The following KCND2 variants were observed in gnomAD, a reference collection of about 807,000 sequenced individuals.
The protein encoded by KCND2 is potassium voltage-gated channel subfamily D member 2.
A neutral mutation model predicts 54.4 loss-of-function variants in KCND2; 16 were observed. The observed-to-expected ratio is 0.29, with a 90% CI of 0.20 to 0.45. The LOEUF (loss-of-function observed/expected upper bound fraction) is 0.45. KCND2 is among the 20% of genes least tolerant of loss of function. KCND2 has a pLI of 1.00. For synonymous variants in KCND2, 317 were observed against 310.7 expected, an observed-to-expected ratio of 1.02 and a Z score of -0.21; for missense variants, 486 against 824.2, an observed-to-expected ratio of 0.59 and a Z score of 5.02.
intron 1 of KCND2, among the ~76,000 whole-genome samples, chr7:120,626,542 C>G (rs1793165498): frequency 6.6e-6 from 1 of 152,068 alleles, no homozygotes; most frequent in Non-Finnish European, 1.5e-5. Context: ...CATAGTCAAT[C>G]AACACTATTT....
Position 120,352,515 on chromosome 7 carries a change from G to A in KCND2, c.1115+76768G>A, listed in dbSNP as rs78581276. Among the ~76,000 whole-genome samples, 967 of 146,884 alleles carry A rather than the reference G, an allele frequency of 6.6e-3. 17 individuals are homozygous for A. Among genetic ancestry groups the A allele is most frequent in the African/African-American group, 0.023 (905 of 39,496 alleles). On this transcript the variant is annotated intron_variant, in intron 1 of 5. Transcript: ENST00000331113. ...ACACACACAACATTCATGAAACATT[G>A]CATATATTTTCATGAATTTTATAGA...
At chr7:120,736,351 C>T (rs1419738045) in intron 2 of KCND2, among the ~76,000 whole-genome samples, 1 of 151,776 alleles carries the variant, frequency 6.6e-6, no homozygotes, top group Non-Finnish European at 1.5e-5. Context: ...TAACTAAATA[C>T]TGACATGCTG....
chr7:120,331,499 A>G (rs1018070528), intron 1 of KCND2, among the ~76,000 whole-genome samples: 2 of 152,020 alleles, frequency 1.3e-5, no homozygotes, highest in South Asian at 2.1e-4. Context: ...AAAAGGAAAA[A>G]AGACAAAGAG....
intron 1 of KCND2, among the ~76,000 whole-genome samples, chr7:120,659,095 C>T (rs1315516682): frequency 1.3e-5 from 2 of 152,042 alleles, no homozygotes; most frequent in African/African-American, 4.8e-5. Flanking sequence ...GTCCTGGGTG[C>T]CTAAAATTCA....
In KCND2 at chr7:120,549,784, T is replaced by G. The variant is rs572024107; in HGVS notation, c.1116-183119T>G. ...AGATCCCATTAGCATTAATGGGAGT[T>G]GCCTGAACAAGTGCTCCATGAAGTA... On this transcript the variant is annotated intron_variant, in intron 1 of 5. Coordinates refer to ENST00000331113, the MANE Select transcript of KCND2 (RefSeq NM_012281.3). Among the ~76,000 whole-genome samples the G allele has an allele frequency of 6.3e-4, 96 of 152,274 alleles. 3 individuals carry two copies. The South Asian group carries it at 0.019, about 30-fold the overall frequency.
intron 1 of KCND2, among the ~76,000 whole-genome samples, chr7:120,711,049 G>T (rs1792530901): frequency 1.3e-5 from 2 of 151,752 alleles, no homozygotes; most frequent in African/African-American, 4.8e-5. Flanking sequence ...AAATATACAA[G>T]TGTATTTTCT....
intron 1 of KCND2, among the ~76,000 whole-genome samples, chr7:120,415,368 A>G (rs941897232): frequency 6.6e-6 from 1 of 152,094 alleles, no homozygotes; most frequent in Non-Finnish European, 1.5e-5. Flanking sequence ...CTTCAAAGCA[A>G]TTTTCTTAAA....
rs1029730521 is a variant in KCND2 at position 120,655,061 on chromosome 7, A to G, written c.1116-77842A>G. Among the ~76,000 whole-genome samples, 114 of 152,180 alleles carry G rather than the reference A, an allele frequency of 7.5e-4. 2 individuals are homozygous for G. The highest frequency in any genetic ancestry group is 2.6e-3 in the African/African-American group (107 of 41,570). ...AAAACACAGAATATCATCCACAACC[A>G]TATTTATAATTGTCTTGGTGGAAAG... On this transcript the variant is annotated intron_variant, in intron 1 of 5. Coordinates refer to ENST00000331113, the MANE Select transcript of KCND2 (RefSeq NM_012281.3).
chr7:120,487,737 A>T (rs1802715131), intron 1 of KCND2, among the ~76,000 whole-genome samples: 1 of 152,202 alleles, frequency 6.6e-6, no homozygotes, highest in South Asian at 2.1e-4. Flanking sequence ...CACCATCACT[A>T]TCCCTGATAC....
chr7:120,323,498 T>C (rs1016454400), intron 1 of KCND2, among the ~76,000 whole-genome samples: 1 of 150,474 alleles, frequency 6.6e-6, no homozygotes, highest in Non-Finnish European at 1.5e-5. Flanking sequence ...CCTTCCTGTG[T>C]CCATGTGATC....
intron 1 of KCND2, among the ~76,000 whole-genome samples, chr7:120,475,540 A>G (rs1023948709): frequency 2.6e-5 from 4 of 152,190 alleles, no homozygotes; most frequent in African/African-American, 9.7e-5. Flanking sequence ...TCCTGTTGGT[A>G]TAAAGCAAGG....
intron 1 of KCND2, among the ~76,000 whole-genome samples, chr7:120,462,528 C>G (rs1312053270): frequency 6.6e-6 from 1 of 151,808 alleles, no homozygotes; most frequent in African/African-American, 2.4e-5. Context: ...GGAATATTAC[C>G]ATTTCTGATA....
chr7:120,675,744 T>A (rs1163969783), intron 1 of KCND2, among the ~76,000 whole-genome samples: 1 of 152,228 alleles, frequency 6.6e-6, no homozygotes, highest in African/African-American at 2.4e-5. Flanking sequence ...CATAAAACTT[T>A]ATTATTCCTC....
At chr7:120,649,840 G>A (rs540273113) in intron 1 of KCND2, among the ~76,000 whole-genome samples, 180 of 152,278 alleles carry the variant, frequency 1.2e-3, no homozygotes, top group Non-Finnish European at 2.1e-3. Flanking sequence ...GCATTTGCTT[G>A]TCTGTAAAGG....
chr7:120,443,656 G>A (rs1320016037), intron 1 of KCND2, among the ~76,000 whole-genome samples: 1 of 151,636 alleles, frequency 6.6e-6, no homozygotes, highest in Non-Finnish European at 1.5e-5. Flanking sequence ...TACTTTCAAA[G>A]ACTTCTCATT....
chr7:120,516,632 G>A (rs537324273), intron 1 of KCND2, among the ~76,000 whole-genome samples: 32 of 151,972 alleles, frequency 2.1e-4, no homozygotes, highest in Non-Finnish European at 3.8e-4. Flanking sequence ...ATTTACTGCC[G>A]GACTCTCCAA....
chr7:120,453,319 C>T (rs896857638), intron 1 of KCND2, among the ~76,000 whole-genome samples: 1 of 152,172 alleles, frequency 6.6e-6, no homozygotes, highest in Non-Finnish European at 1.5e-5. Context: ...TTGGCAGGAG[C>T]ACACATATGG....
intron 1 of KCND2, among the ~76,000 whole-genome samples, chr7:120,583,963 C>A (rs1792554559): frequency 6.6e-6 from 1 of 152,210 alleles, no homozygotes; most frequent in Non-Finnish European, 1.5e-5. Context: ...GTGTCAACCA[C>A]AGGACATCAG....
At chr7:120,301,689 G>A (rs1263457796) in intron 1 of KCND2, among the ~76,000 whole-genome samples, 1 of 152,036 alleles carries the variant, frequency 6.6e-6, no homozygotes, top group Non-Finnish European at 1.5e-5. Context: ...TTATTTCAAT[G>A]ATATTTGAAC....
Sources: allele counts gnomAD v4.1 joint callset (sites outside exome capture counted in the v4.1 genomes callset), GRCh38; gene constraint gnomAD v4.1.1; transcripts MANE v1.5; gene names NCBI Gene and HGNC (gene_info 2026-07-23, HGNC 2026-07-21).